GRID2: variants seen among roughly 807,000 people sequenced by gnomAD.
GRID2 encodes glutamate receptor ionotropic, delta-2.
In GRID2, 33 loss-of-function variants were observed where a neutral mutation model predicts 114.8. The observed-to-expected ratio is 0.29, with a 90% CI of 0.22 to 0.38. The LOEUF (loss-of-function observed/expected upper bound fraction) is 0.38. GRID2 is among the 10% of genes least tolerant of loss of function. The pLI is 1.00. For missense variants in GRID2, 1,184 were observed against 1,257.7 expected (o/e 0.94, Z 0.89); for synonymous variants, 505 against 449.9 (o/e 1.12, Z -1.55).
At chr4:92,745,670 C>T (rs1366027154) in intron 2 of GRID2, among the ~76,000 whole-genome samples, 1 of 151,708 alleles carries the variant, frequency 6.6e-6, no homozygotes, top group Non-Finnish European at 1.5e-5. Context: ...ATTGAGTTCT[C>T]CAATATATTT....
At chr4:92,338,626 CAT>C (rs1404608942) in intron 1 of GRID2, among the ~76,000 whole-genome samples, 1 of 151,974 alleles carries the variant, frequency 6.6e-6, no homozygotes, top group Non-Finnish European at 1.5e-5. Context: ...TGTTCTGAAA[CAT>C]AGCTATCTAT....
chr4:93,294,139 A>G (rs72874933), intron 8 of GRID2, among the ~76,000 whole-genome samples: 8,245 of 152,226 alleles, frequency 0.054, 752 homozygotes, highest in African/African-American at 0.19. Context: ...TGGGACTAGG[A>G]CATGGGTGAA....
At chr4:92,404,238 A>G (rs930494486) in intron 1 of GRID2, among the ~76,000 whole-genome samples, 1 of 152,202 alleles carries the variant, frequency 6.6e-6, no homozygotes, top group Non-Finnish European at 1.5e-5. Context: ...ATTAAGAGTT[A>G]GGTAACTTTT....
chr4:92,930,784 T>C (rs995407375), intron 2 of GRID2, among the ~76,000 whole-genome samples: 5 of 151,114 alleles, frequency 3.3e-5, no homozygotes, highest in Admixed American at 1.3e-4. Context: ...TTGTTAACTT[T>C]CATTTGAAAT....
At chr4:93,530,286 A>G (rs143352239) in intron 13 of GRID2, among the ~76,000 whole-genome samples, 2 of 152,184 alleles carry the variant, frequency 1.3e-5, no homozygotes, top group African/African-American at 4.8e-5. Context: ...TCTAGTGCAA[A>G]TTGTTTATGC....
intron 1 of GRID2, among the ~76,000 whole-genome samples, chr4:93,793,486 T>C (rs1358639510): frequency 1.3e-5 from 2 of 152,200 alleles, no homozygotes; most frequent in African/African-American, 4.8e-5. Context: ...TCCTCCTATG[T>C]GTGGAATTGG....
chr4:93,266,723 T>G (rs977454122), intron 8 of GRID2, among the ~76,000 whole-genome samples: 2 of 152,126 alleles, frequency 1.3e-5, no homozygotes, highest in African/African-American at 4.8e-5. Context: ...TTTTCCAGGG[T>G]TTTTATAAGG....
intron 2 of GRID2, among the ~76,000 whole-genome samples, chr4:92,869,966 G>T (rs1745152853): frequency 6.6e-6 from 1 of 151,756 alleles, no homozygotes; most frequent in South Asian, 2.1e-4. Context: ...GACCAAGGCA[G>T]AACTACATGA....
chr4:92,310,733 T>G (rs1725659195), intron 1 of GRID2, among the ~76,000 whole-genome samples: 1 of 152,004 alleles, frequency 6.6e-6, no homozygotes, highest in African/African-American at 2.4e-5. Flanking sequence ...TAAAATAAGA[T>G]TTAGACTAAT....
chr4:92,643,488 C>A (rs1459220188), intron 2 of GRID2, among the ~76,000 whole-genome samples: 1 of 151,738 alleles, frequency 6.6e-6, no homozygotes, highest in African/African-American at 2.4e-5. Context: ...TGAAAGTTTT[C>A]AGAATATAAA....
At chr4:92,907,262 G>A (rs545608424) in intron 2 of GRID2, among the ~76,000 whole-genome samples, 15 of 152,216 alleles carry the variant, frequency 9.9e-5, no homozygotes, top group South Asian at 4.1e-4. Flanking sequence ...TAAAGTATAA[G>A]TGTGCATATT....
chr4:92,892,027 T>C (rs1229407090), intron 2 of GRID2, among the ~76,000 whole-genome samples: 1 of 152,132 alleles, frequency 6.6e-6, no homozygotes, highest in East Asian at 1.9e-4. Context: ...TTTAATTATA[T>C]TTGATTATGA....
chr4:93,422,726 G>A (rs1768412324), intron 9 of GRID2, 45 bp from the exon 10 acceptor site: 3 of 1,154,290 alleles, frequency 2.6e-6, no homozygotes, highest in Non-Finnish European at 1.3e-6. Flanking sequence ...TGCTTTTAGG[G>A]AGCACTATAG....
chr4:92,975,372 G>A (rs915441559), intron 2 of GRID2, among the ~76,000 whole-genome samples: 7 of 151,780 alleles, frequency 4.6e-5, no homozygotes, highest in African/African-American at 1.7e-4. Context: ...AAGATACTTG[G>A]TTAGACCATT....
intron 4 of GRID2, among the ~76,000 whole-genome samples, chr4:93,169,424 C>T (rs1457610716): frequency 6.6e-6 from 1 of 152,006 alleles, no homozygotes; most frequent in Non-Finnish European, 1.5e-5. Context: ...ATTTTAATGT[C>T]CAGTGATTTA....
intron 2 of GRID2, among the ~76,000 whole-genome samples, chr4:92,848,067 C>T (rs1743472812): frequency 6.6e-6 from 1 of 151,916 alleles, no homozygotes; most frequent in African/African-American, 2.4e-5. Flanking sequence ...TAATTTACAT[C>T]TATATTGTGT....
At chr4:92,540,470 A>C (rs960766646) in intron 1 of GRID2, among the ~76,000 whole-genome samples, 2 of 152,208 alleles carry the variant, frequency 1.3e-5, no homozygotes, top group African/African-American at 4.8e-5. Flanking sequence ...ACCCCATCAA[A>C]AAGTGGGCAA....
intron 2 of GRID2, among the ~76,000 whole-genome samples, chr4:93,079,223 C>T (rs965505665): frequency 6.6e-6 from 1 of 151,772 alleles, no homozygotes; most frequent in African/African-American, 2.4e-5. Context: ...TAAAAGTGTA[C>T]TCAATACTTT....
At chr4:92,625,868 A>T (rs1161884427) in intron 2 of GRID2, among the ~76,000 whole-genome samples, 1 of 151,966 alleles carries the variant, frequency 6.6e-6, no homozygotes, top group Non-Finnish European at 1.5e-5. Flanking sequence ...GATAATTGAT[A>T]ATACCTAAAA....
Sources: gnomAD v4.1 joint callset for allele counts (sites outside exome capture counted in the v4.1 genomes callset) on GRCh38, gnomAD v4.1.1 for gene constraint, MANE v1.5 for transcripts, NCBI Gene and HGNC (gene_info 2026-07-23, HGNC 2026-07-21) for gene names.